Variants in PCDHGB5 observed in about 807,000 individuals in gnomAD.
PCDHGB5 encodes protocadherin gamma-B5.
A neutral mutation model predicts 62.9 loss-of-function variants in PCDHGB5; 48 were observed. That is an observed-to-expected ratio of 0.76 (90% CI 0.61 to 0.97). PCDHGB5 has a LOEUF of 0.97. Among genes scored for constraint, PCDHGB5 ranks in the 50% least tolerant of loss-of-function variants. The pLI is 0.00. For missense variants in PCDHGB5, 1,118 were observed against 1,198.6 expected (o/e 0.93, Z 0.99); for synonymous variants, 474 against 511.2 (o/e 0.93, Z 0.98).
chr5:141,404,738 A>C (rs1361110725), intron 1 of PCDHGB5: 24 of 1,613,674 alleles, frequency 1.5e-5, no homozygotes, highest in Non-Finnish European at 1.9e-5. Flanking sequence ...GGCAGTGGAC[A>C]GAGACTCAGG....
At position 141,478,875 on chromosome 5, in the gene PCDHGB5, G is replaced by A. The variant is rs913320768; in HGVS notation, c.2398-15932G>A. On this transcript the variant is annotated intron_variant, in intron 1 of 3. Coordinates refer to ENST00000617380, the MANE Select transcript of PCDHGB5 (RefSeq NM_018925.3). ...ACAAGATCTCAGCGATCAGAGTTTA[G>A]CTTGGTATCATTTACATTAGGAATA... The A allele has an allele frequency of 2.4e-6, 3 of 1,273,470 alleles. No homozygotes were observed. The South Asian group carries it at 4.8e-5, about 21-fold the overall frequency. 78.9% of individuals were successfully genotyped at this position (1,273,470 alleles called of 1,614,324 possible).
At chr5:141,415,754 T>TTG in intron 1 of PCDHGB5, 4 of 1,385,736 alleles carry the variant, frequency 2.9e-6, no homozygotes, top group South Asian at 1.7e-5. Flanking sequence ...TTTTTTTTTT[T>TTG]TTTTTTTTTT....
At chr5:141,492,197 TA>T (rs2099738125) in intron 1 of PCDHGB5, among the ~76,000 whole-genome samples, 1 of 152,200 alleles carries the variant, frequency 6.6e-6, no homozygotes, top group African/African-American at 2.4e-5. Flanking sequence ...CTGCGGGACT[TA>T]GGTGTGCGCG....
chr5:141,485,444 G>A lies in PCDHGB5; in HGVS notation c.2398-9363G>A. 1 of 1,614,110 alleles carries A rather than the reference G, an allele frequency of 6.2e-7. No individual in the cohort carries two copies. Among genetic ancestry groups the A allele is most frequent in the Non-Finnish European group, 8.5e-7 (1 of 1,180,020 alleles). On this transcript the variant is annotated intron_variant, in intron 1 of 3. Coordinates refer to ENST00000617380, the MANE Select transcript of PCDHGB5 (RefSeq NM_018925.3). This position sits in a 1 kb window ranked among gnomAD's most constrained non-coding sequence, Gnocchi z 5.7. ...AGCCCTGCTCATCAAGAACCCAATC[G>A]ACCGAGAGGCACTGTGTGGGCTCAG...
At chr5:141,405,277 T>C (rs770051288) in intron 1 of PCDHGB5, 5 of 1,614,196 alleles carry the variant, frequency 3.1e-6, no homozygotes, top group Non-Finnish European at 4.2e-6. Context: ...AGCCCAACTA[T>C]GCAGACACAC....
intron 3 of PCDHGB5, among the ~76,000 whole-genome samples, chr5:141,509,066 C>A (rs1215686419): frequency 6.6e-6 from 1 of 152,172 alleles, no homozygotes; most frequent in Non-Finnish European, 1.5e-5. Context: ...GCTCTCAGCT[C>A]CGGGGATTTG....
chr5:141,458,514 T>G (rs1338106276), intron 1 of PCDHGB5, among the ~76,000 whole-genome samples: 1 of 129,036 alleles, frequency 7.7e-6, no homozygotes, highest in African/African-American at 3.6e-5. Context: ...TGACACTTTG[T>G]TTTTTTTTTT....
intron 2 of PCDHGB5, among the ~76,000 whole-genome samples, chr5:141,496,769 C>T (rs1434587849): frequency 2.0e-5 from 3 of 152,064 alleles, no homozygotes; most frequent in African/African-American, 7.3e-5. Flanking sequence ...CGAGCATCTA[C>T]TATGAGCAGG....
At chr5:141,413,198 C>T in intron 1 of PCDHGB5, 5 of 1,611,416 alleles carry the variant, frequency 3.1e-6, no homozygotes, top group Non-Finnish European at 2.5e-6. Flanking sequence ...AGGAATCGCT[C>T]AAAGGAATCA....
chr5:141,422,938 G>A (rs1226350240), intron 1 of PCDHGB5: 2 of 1,614,116 alleles, frequency 1.2e-6, no homozygotes, highest in Non-Finnish European at 1.7e-6. Flanking sequence ...CCTCCCCACA[G>A]ACGGCTCCAC....
rs1285420674 is a variant in PCDHGB5 at position 141,409,726 on chromosome 5, C to G, written c.2397+9202C>G. The G allele has an allele frequency of 1.9e-6, 3 of 1,612,982 alleles. No homozygotes were observed. The Admixed American group carries it at 5.0e-5, about 27-fold the overall frequency. On this transcript the variant is annotated intron_variant, in intron 1 of 3. Transcript: ENST00000617380. ...CGGTGTCGTCATACGTGTCAGTGAG[C>G]GCGCAGAGCGGGGTGGTGTTCGCGC...
intron 1 of PCDHGB5, among the ~76,000 whole-genome samples, chr5:141,481,994 A>AG (rs2099550091): frequency 1.3e-5 from 2 of 151,258 alleles, no homozygotes; most frequent in African/African-American, 4.9e-5. Context: ...TTGAAGCAGG[A>AG]GAATCGCTTT....
In PCDHGB5 at chr5:141,431,377, T is replaced by A; in HGVS notation, c.2397+30853T>A. 1 of 1,613,426 alleles carries A rather than the reference T, an allele frequency of 6.2e-7. No individual in the cohort carries two copies. Among genetic ancestry groups the A allele is most frequent in the Non-Finnish European group, 8.5e-7 (1 of 1,179,558 alleles). ...GCGCCCTGGACCGCGAAGAAAAGGC[T>A]GCTCACCACCTGGTCCTTACGGCCT... is the stretch of plus-strand genomic sequence containing the variant. On this transcript the variant is annotated intron_variant, in intron 1 of 3. Coordinates refer to ENST00000617380, the MANE Select transcript of PCDHGB5 (RefSeq NM_018925.3). This position sits in a 1 kb window ranked among gnomAD's most constrained non-coding sequence, Gnocchi z 4.8.
intron 1 of PCDHGB5, chr5:141,410,849 C>CTTTTTTTTTTTTTTTTTTGTTTTTTTT (rs2095435748): frequency 1.5e-5 from 2 of 129,786 alleles, no homozygotes; most frequent in Non-Finnish European, 2.6e-5. Context: ...TTGTCTTTGT[C>CTTTTTTTTTTTTTTTTTTGTTTTTTTT]TTTTTTTTTT....
At chr5:141,484,950 T>G in intron 1 of PCDHGB5, 1 of 561,950 alleles carries the variant, frequency 1.8e-6, no homozygotes, top group Non-Finnish European at 3.2e-6. Context: ...GCTCAGCCTA[T>G]TGGCTGAGCC....
intron 2 of PCDHGB5, among the ~76,000 whole-genome samples, chr5:141,503,203 A>G (rs10477147): frequency 0.037 from 5,590 of 152,130 alleles, 132 homozygotes; most frequent in South Asian, 0.073. Flanking sequence ...TCAGCCTCTC[A>G]GTGCCCACCA....
chr5:141,419,479 C>A, intron 1 of PCDHGB5: 2 of 1,612,390 alleles, frequency 1.2e-6, no homozygotes, highest in Non-Finnish European at 1.7e-6. Flanking sequence ...AGGGCTCGCC[C>A]GCGCTCAGCG....
Position 141,489,409 on chromosome 5 carries a change from A to T in PCDHGB5, c.2398-5398A>T. On this transcript the variant is annotated intron_variant, in intron 1 of 3. Transcript: ENST00000617380. The surrounding 1 kb of genome is among the most constrained non-coding windows in gnomAD (Gnocchi z 4.5). ...TGCTCAGGATCTGGGCTTAAAGATG[A>T]CAGATCTGTTGAGCCGGCGGCTGCA... 1.9e-6 allele frequency: 3 copies of T among 1,614,114 alleles called. No homozygotes were observed. The highest frequency in any genetic ancestry group is 2.5e-6 in the Non-Finnish European group (3 of 1,180,004).
intron 1 of PCDHGB5, among the ~76,000 whole-genome samples, chr5:141,460,987 ATATATATATGTG>A (rs2099005819): frequency 1.1e-5 from 1 of 92,944 alleles, no homozygotes; most frequent in Admixed American, 9.9e-5. Flanking sequence ...GTGTGTGTAT[ATATATATATGTG>A]TATATATATA....
Sources: gnomAD v4.1 joint callset for allele counts (sites outside exome capture counted in the v4.1 genomes callset) on GRCh38, gnomAD v4.1.1 for gene constraint, Gnocchi (gnomAD v3.1) non-coding constraint, MANE v1.5 for transcripts, NCBI Gene and HGNC (gene_info 2026-07-23, HGNC 2026-07-21) for gene names.